Variants in ARHGAP15 observed in about 807,000 individuals in gnomAD.
ARHGAP15 encodes rho GTPase-activating protein 15.
In ARHGAP15, 51 loss-of-function variants were observed where a neutral mutation model predicts 63.7. The observed-to-expected ratio is 0.80, with a 90% CI of 0.64 to 1.01. The LOEUF is 1.01. Among genes scored for constraint, ARHGAP15 ranks in the 50% least tolerant of loss-of-function variants. The probability of loss-of-function intolerance (pLI) is 0.00; values close to 1 mark genes in which losing one functional copy is unlikely to be tolerated. For synonymous variants in ARHGAP15, 191 were observed against 193.8 expected (o/e 0.99, Z 0.12); for missense variants, 560 against 564.6 (o/e 0.99, Z 0.08).
intron 8 of ARHGAP15, among the ~76,000 whole-genome samples, chr2:143,468,386 G>C (rs1159829286): frequency 6.6e-6 from 1 of 152,038 alleles, no homozygotes; most frequent in Non-Finnish European, 1.5e-5. Flanking sequence ...GAAACTGAAA[G>C]CTTCAGCTGC....
At chr2:143,698,838 A>G (rs1023302006) in intron 12 of ARHGAP15, among the ~76,000 whole-genome samples, 41 of 152,198 alleles carry the variant, frequency 2.7e-4, no homozygotes, top group African/African-American at 9.2e-4. Flanking sequence ...GTCTCTTCAC[A>G]TACAGTTTGC....
chr2:143,704,289 T>C (rs991485046), intron 13 of ARHGAP15, among the ~76,000 whole-genome samples: 4 of 152,080 alleles, frequency 2.6e-5, no homozygotes, highest in African/African-American at 9.7e-5. Context: ...GGAGAATGCA[T>C]TGCAAAGGTG....
At chr2:143,716,724 T>C (rs996017191) in intron 13 of ARHGAP15, among the ~76,000 whole-genome samples, 2 of 152,262 alleles carry the variant, frequency 1.3e-5, no homozygotes, top group African/African-American at 2.4e-5. Context: ...CTCTGCTTTC[T>C]TGCCAATACC....
chr2:143,276,886 A>G (rs1359548227), intron 6 of ARHGAP15, among the ~76,000 whole-genome samples: 1 of 152,222 alleles, frequency 6.6e-6, no homozygotes, highest in Non-Finnish European at 1.5e-5. Context: ...TGTTTGGTTT[A>G]ATTTTGTACC....
intron 8 of ARHGAP15, among the ~76,000 whole-genome samples, chr2:143,456,522 T>A (rs2105146386): frequency 6.6e-6 from 1 of 152,166 alleles, no homozygotes. Flanking sequence ...TTGTAATCAA[T>A]CTATATATAT....
At chr2:143,662,571 CTT>C (rs1472522620) in intron 12 of ARHGAP15, among the ~76,000 whole-genome samples, 1 of 129,698 alleles carries the variant, frequency 7.7e-6, no homozygotes, top group Non-Finnish European at 1.7e-5. Flanking sequence ...TGGAGAATGA[CTT>C]TGACGAGCCG....
chr2:143,216,537 C>T, intron 4 of ARHGAP15, 92 bp downstream of exon 4: 1 of 891,686 alleles, frequency 1.1e-6, no homozygotes, highest in Non-Finnish European at 1.8e-6. Context: ...ATGCAAGTCC[C>T]TATGGTACCA....
intron 6 of ARHGAP15, among the ~76,000 whole-genome samples, chr2:143,413,621 C>A (rs1049487081): frequency 2.0e-5 from 3 of 152,126 alleles, no homozygotes; most frequent in Non-Finnish European, 4.4e-5. Context: ...CAGCTGTAAG[C>A]CACCACAACC....
intron 11 of ARHGAP15, among the ~76,000 whole-genome samples, chr2:143,569,320 C>T (rs1175908530): frequency 2.6e-5 from 4 of 152,044 alleles, no homozygotes; most frequent in Non-Finnish European, 1.5e-5. Context: ...TCAAGAGATA[C>T]ATAATAAATA....
chr2:143,154,449 C>T (rs1690001350), intron 1 of ARHGAP15, among the ~76,000 whole-genome samples: 1 of 151,882 alleles, frequency 6.6e-6, no homozygotes, highest in Non-Finnish European at 1.5e-5. Context: ...CATGATTCTT[C>T]TTTTGGATTA....
intron 6 of ARHGAP15, among the ~76,000 whole-genome samples, chr2:143,331,021 G>A (rs1426765635): frequency 2.0e-5 from 3 of 152,072 alleles, no homozygotes; most frequent in African/African-American, 7.2e-5. Context: ...CCTTTGAGTT[G>A]ATCATAAATC....
intron 13 of ARHGAP15, among the ~76,000 whole-genome samples, chr2:143,733,615 A>C (rs1367200769): frequency 6.6e-6 from 1 of 152,168 alleles, no homozygotes; most frequent in Non-Finnish European, 1.5e-5. Context: ...AGTTTAACAA[A>C]CTTATTTCCC....
chr2:143,398,302 C>T (rs1337458945), intron 6 of ARHGAP15, among the ~76,000 whole-genome samples: 2 of 152,108 alleles, frequency 1.3e-5, no homozygotes, highest in African/African-American at 4.8e-5. Context: ...TATCCTCTAC[C>T]ATTGCTTAAA....
intron 6 of ARHGAP15, among the ~76,000 whole-genome samples, chr2:143,381,999 C>T (rs1299647419): frequency 6.6e-6 from 1 of 151,778 alleles, no homozygotes. Flanking sequence ...CTAGGTGGTT[C>T]ACTTCTCTTG....
chr2:143,314,343 C>T (rs1229690678), intron 6 of ARHGAP15: 2 of 152,078 alleles, frequency 1.3e-5, no homozygotes, highest in Non-Finnish European at 2.9e-5. Flanking sequence ...AATAACTCAC[C>T]TTTACAATTA....
chr2:143,192,050 G>A (rs114875403), intron 2 of ARHGAP15, among the ~76,000 whole-genome samples: 2 of 152,188 alleles, frequency 1.3e-5, no homozygotes, highest in African/African-American at 4.8e-5. Flanking sequence ...AGTCTGTTCT[G>A]ATTACTGAAG....
At chr2:143,290,464 C>T (rs896412732) in intron 6 of ARHGAP15, among the ~76,000 whole-genome samples, 1 of 151,898 alleles carries the variant, frequency 6.6e-6, no homozygotes. Context: ...TCAACTATAG[C>T]CCATTGATGC....
At chr2:143,412,615 T>C (rs557536163) in intron 6 of ARHGAP15, among the ~76,000 whole-genome samples, 1 of 152,304 alleles carries the variant, frequency 6.6e-6, no homozygotes, top group East Asian at 1.9e-4. Context: ...TCTTGGTCTT[T>C]AGTTTTTGTA....
intron 13 of ARHGAP15, among the ~76,000 whole-genome samples, chr2:143,747,570 G>C (rs1553536458): frequency 6.6e-6 from 1 of 152,068 alleles, no homozygotes; most frequent in Non-Finnish European, 1.5e-5. Context: ...TGCAACCACT[G>C]TTCTTTTTCT....
Sources: allele counts gnomAD v4.1 joint callset (sites outside exome capture counted in the v4.1 genomes callset), GRCh38; gene constraint gnomAD v4.1.1; transcripts MANE v1.5; gene names NCBI Gene and HGNC (gene_info 2026-07-23, HGNC 2026-07-21).